Variants in NRG4 observed in about 807,000 individuals in gnomAD.
NRG4 encodes neuregulin 4, also known as pro-neuregulin-4, membrane-bound isoform.
Under a neutral mutation model 15.0 loss-of-function variants are expected in NRG4, and 10 were observed. The observed-to-expected ratio is 0.67, with a 90% CI of 0.41 to 1.13. The LOEUF (loss-of-function observed/expected upper bound fraction) is 1.13. Among genes scored for constraint, NRG4 ranks in the 50% most tolerant of loss-of-function variants. The pLI, the probability that NRG4 is intolerant of heterozygous loss-of-function variation, is 0.00. For synonymous variants in NRG4, 41 were observed against 50.1 expected, an observed-to-expected ratio of 0.82 and a Z score of 0.77; for missense variants, 139 against 140.2, an observed-to-expected ratio of 0.99 and a Z score of 0.04.
Position 75,976,046 on chromosome 15 carries a change from T to A in NRG4, c.105-14072A>T, listed in dbSNP as rs144624413. Among the ~76,000 whole-genome samples the A allele has an allele frequency of 2.9e-3, 444 of 152,152 alleles. 4 individuals carry two copies. Among genetic ancestry groups the A allele is most frequent in the African/African-American group, 0.01 (425 of 41,546 alleles). On this transcript the variant is annotated intron_variant, in intron 3 of 5. Coordinates refer to ENST00000394907, the MANE Select transcript of NRG4 (RefSeq NM_138573.4). ...TCCCATATTTCGTTCCTTTTCATTT[T>A]TTTCTCTAATCTTGTCTTCATGCTT...
At chr15:76,003,770 G>A (rs1331217590) in intron 3 of NRG4, among the ~76,000 whole-genome samples, 1 of 152,152 alleles carries the variant, frequency 6.6e-6, no homozygotes, top group African/African-American at 2.4e-5. Flanking sequence ...CCAGAAGATA[G>A]TAGGCTGATA....
chr15:75,987,484 G>GGGGTCATGA (rs202023888), intron 3 of NRG4, among the ~76,000 whole-genome samples: 2 of 152,058 alleles, frequency 1.3e-5, no homozygotes, highest in Admixed American at 6.5e-5. Flanking sequence ...GGGCCTTTTG[G>GGGGTCATGA]GGGTCATGAG....
intron 5 of NRG4, among the ~76,000 whole-genome samples, chr15:75,952,936 TA>T (rs1294632019): frequency 2.6e-5 from 4 of 152,276 alleles, no homozygotes; most frequent in African/African-American, 4.8e-5. Context: ...TATGTATGAT[TA>T]AAAAAATTTT....
At chr15:75,939,511 C>G (rs2030718969), downstream of NRG4, 1 of 152,160 alleles carries the variant, frequency 6.6e-6, no homozygotes, top group South Asian at 2.1e-4. Context: ...CCAATCCCTT[C>G]TAACTTTTCC....
chr15:76,006,480 CT>C (rs989123205), intron 3 of NRG4, among the ~76,000 whole-genome samples: 2 of 151,688 alleles, frequency 1.3e-5, no homozygotes, highest in Admixed American at 1.3e-4. Flanking sequence ...TTTTTTTATC[CT>C]TTTTTCTCAG....
chr15:76,047,481 G>T (rs1011725101), intron 4 of NRG4, among the ~76,000 whole-genome samples: 1 of 150,836 alleles, frequency 6.6e-6, no homozygotes, highest in Non-Finnish European at 1.5e-5. Context: ...CAACATAGAT[G>T]AATCTGGAGG....
chr15:75,978,013 C>T (rs1381176899), intron 3 of NRG4, among the ~76,000 whole-genome samples: 1 of 152,062 alleles, frequency 6.6e-6, no homozygotes, highest in African/African-American at 2.4e-5. Flanking sequence ...GATGGGATTT[C>T]ACCATGTTGG....
At chr15:76,013,180 G>A (rs1365836457), upstream of NRG4, among the ~76,000 whole-genome samples, 2 of 152,032 alleles carry the variant, frequency 1.3e-5, no homozygotes, top group Non-Finnish European at 2.9e-5. Flanking sequence ...GTTGTTTTAA[G>A]AAAATATTAA....
rs73449068 is a variant in NRG4, at chr15:75,984,286, C to A, written c.105-22312G>T. Among the ~76,000 whole-genome samples, 1,340 of 151,242 alleles carry A rather than the reference C, an allele frequency of 8.9e-3. 24 individuals carry two copies. The highest frequency in any genetic ancestry group is 0.031 in the African/African-American group (1,287 of 41,146). ...AACGGGGGAGGCCTTGCATGTGTCA[C>A]GGCAGGGGGTATATACAGGGAAGTC... is the stretch of plus-strand genomic sequence containing the variant. On this transcript the variant is annotated intron_variant, in intron 3 of 5. Coordinates refer to ENST00000394907, the MANE Select transcript of NRG4 (RefSeq NM_138573.4).
chr15:76,038,308 TG>T (rs112604047), intron 4 of NRG4, among the ~76,000 whole-genome samples: 2,081 of 152,344 alleles, frequency 0.014, 48 homozygotes, highest in African/African-American at 0.047. Context: ...ATCAAGCTCT[TG>T]GGGTCCCTGA....
chr15:76,047,828 T>A (rs2035908919), intron 4 of NRG4, among the ~76,000 whole-genome samples: 1 of 150,886 alleles, frequency 6.6e-6, no homozygotes, highest in Non-Finnish European at 1.5e-5. Context: ...AAATATGAAA[T>A]AACACAAATT....
intron 3 of NRG4, among the ~76,000 whole-genome samples, chr15:75,984,915 G>C (rs1595987393): frequency 1.3e-5 from 2 of 152,148 alleles, no homozygotes; most frequent in African/African-American, 4.8e-5. Context: ...TGCAATCTCA[G>C]TTCACTGCAA....
intron 5 of NRG4, among the ~76,000 whole-genome samples, chr15:75,953,866 T>G (rs998584802): frequency 2.0e-5 from 3 of 152,210 alleles, no homozygotes; most frequent in Non-Finnish European, 4.4e-5. Context: ...TTGTTCTTTT[T>G]TGTAGAGATG....
At chr15:75,975,539 G>T (rs2033325720) in intron 3 of NRG4, among the ~76,000 whole-genome samples, 1 of 152,182 alleles carries the variant, frequency 6.6e-6, no homozygotes, top group Admixed American at 6.5e-5. Context: ...TGTAAGGCAG[G>T]CCTGGTGGTA....
At chr15:76,042,993 T>G (rs1200443821) in intron 4 of NRG4, among the ~76,000 whole-genome samples, 1 of 152,196 alleles carries the variant, frequency 6.6e-6, no homozygotes, top group Non-Finnish European at 1.5e-5. Context: ...GATGCAAGGA[T>G]GGTTCAACAT....
Position 76,051,314 on chromosome 15 carries a change from AT to A in NRG4, c.-105+752del, listed in dbSNP as rs547716305. 3.2e-3 allele frequency among the ~76,000 whole-genome samples: 473 copies of A among 149,012 alleles called. 29 individuals carry two copies. Among genetic ancestry groups the A allele is most frequent in the African/African-American group, 0.011 (422 of 39,572 alleles). On this transcript the variant is annotated intron_variant, in intron 4 of 8. Transcript: ENST00000563910. ...GCCACCGCGCCCGGCCTATTTATTT[AT>A]TTTTTTATAGAGACGGGCTCTCACT...
intron 3 of NRG4, among the ~76,000 whole-genome samples, chr15:76,004,440 A>T (rs1399080552): frequency 1.3e-5 from 2 of 151,870 alleles, no homozygotes; most frequent in Non-Finnish European, 2.9e-5. Context: ...GTCTCTACTA[A>T]AAATACAAAA....
chr15:75,992,945 A>T (rs1392570160), intron 3 of NRG4, among the ~76,000 whole-genome samples: 2 of 151,224 alleles, frequency 1.3e-5, no homozygotes, highest in African/African-American at 4.9e-5. Context: ...TTTAGCTATT[A>T]TGGGTAATGC....
rs1475196899 is a variant in NRG4, at chr15:75,961,971, G to A, written c.108C>T (p.Cys36=). Reference sequence around the variant, plus strand: ...AACGAGCTCCTGTATAGTTTTCAACGCACCTACAGAATAAAATTTTAGATA... The same window carrying A: ...AACGAGCTCCTGTATAGTTTTCAACACACCTACAGAATAAAATTTTAGATA... ...IPTIPSPFCR[C]VENYTGARCE... The change falls in exon 4 of 6, where the codon TGC becomes TGT. Residue 36 remains cysteine, a synonymous_variant. Transcript: ENST00000394907. The A allele has an allele frequency of 3.8e-6, 6 of 1,597,336 alleles. No homozygotes were observed. Among genetic ancestry groups the A allele is most frequent in the Admixed American group, 3.5e-5 (2 of 56,392 alleles).
Sources: gnomAD v4.1 joint callset for allele counts (sites outside exome capture counted in the v4.1 genomes callset) on GRCh38, gnomAD v4.1.1 for gene constraint, MANE v1.5 for transcripts, NCBI Gene and HGNC (gene_info 2026-07-23, HGNC 2026-07-21) for gene names.